CTIF: variants seen among roughly 807,000 people sequenced by gnomAD.
CTIF encodes the protein CBP80/20-dependent translation initiation factor.
In CTIF, 21 loss-of-function variants were observed where a neutral mutation model predicts 66.0. That is an observed-to-expected ratio of 0.32 (90% CI 0.23 to 0.46). The LOEUF is 0.46. CTIF is among the 20% of genes least tolerant of loss of function. CTIF has a pLI of 1.00. For missense variants in CTIF, 739 were observed against 812.7 expected, an observed-to-expected ratio of 0.91 and a Z score of 1.10; for synonymous variants, 345 against 326.4, an observed-to-expected ratio of 1.06 and a Z score of -0.62.
chr18:48,843,853 G>A (rs555099693), intron 10 of CTIF, among the ~76,000 whole-genome samples: 1 of 152,314 alleles, frequency 6.6e-6, no homozygotes, highest in East Asian at 1.9e-4. Context: ...GGGAGCAGGA[G>A]TGAAGCTATT....
intron 10 of CTIF, among the ~76,000 whole-genome samples, chr18:48,821,008 C>T (rs933921980): frequency 6.6e-6 from 1 of 152,220 alleles, no homozygotes; most frequent in Non-Finnish European, 1.5e-5. Context: ...CTGGGAGTCC[C>T]TGGGGACATC....
At position 48,775,460 on chromosome 18, in the gene CTIF, C is replaced by T. The variant is rs1013631444; in HGVS notation, c.1371+13771C>T. Among the ~76,000 whole-genome samples, 23 of 152,352 alleles carry T rather than the reference C, an allele frequency of 1.5e-4. No homozygotes were observed. In the East Asian group the frequency reaches 1.7e-3, roughly 12 times the overall value. On this transcript the variant is annotated intron_variant, in intron 9 of 11. Coordinates refer to ENST00000256413, the MANE Select transcript of CTIF (RefSeq NM_014772.3). Reference sequence around the variant, plus strand: ...AGAGATTCTTCCACAAGTCCAGGGGCCCCCGGCACAGTAGGACTTGAGGTT... The same window carrying T: ...AGAGATTCTTCCACAAGTCCAGGGGTCCCCGGCACAGTAGGACTTGAGGTT...
intron 9 of CTIF, among the ~76,000 whole-genome samples, chr18:48,787,417 A>T (rs991135589): frequency 6.6e-6 from 1 of 152,156 alleles, no homozygotes; most frequent in East Asian, 1.9e-4. Context: ...GAGGAGACTC[A>T]CATCTCAGAA....
intron 7 of CTIF, among the ~76,000 whole-genome samples, chr18:48,739,384 C>A (rs570956229): frequency 1.3e-5 from 2 of 152,344 alleles, no homozygotes; most frequent in South Asian, 2.1e-4. Context: ...AGGACGGAAC[C>A]CCTGCCTGAT....
chr18:48,833,917 G>A (rs2068749758), intron 10 of CTIF, among the ~76,000 whole-genome samples: 1 of 152,176 alleles, frequency 6.6e-6, no homozygotes, highest in Admixed American at 6.5e-5. Flanking sequence ...GATTCCAAAT[G>A]TTGGCCCAGC....
In CTIF at chr18:48,747,404, T is replaced by C. The variant is rs117456178; in HGVS notation, c.585-10515T>C. Among the ~76,000 whole-genome samples, 743 of 152,032 alleles carry C rather than the reference T, an allele frequency of 4.9e-3. 1 individual carries two copies. Among genetic ancestry groups the C allele is most frequent in the Middle Eastern group, 0.044 (13 of 294 alleles). ...TGCATGGAGGGCCTGTAGCCAGAAG[T>C]AGAGAGGTACGCTGGGCAGGGGAAG... On this transcript the variant is annotated intron_variant, in intron 7 of 11. Coordinates refer to ENST00000256413, the MANE Select transcript of CTIF (RefSeq NM_014772.3).
intron 7 of CTIF, among the ~76,000 whole-genome samples, chr18:48,748,818 G>A (rs1907506735): frequency 6.6e-6 from 1 of 152,148 alleles, no homozygotes. Context: ...TGAGGTATAG[G>A]GCACTGCAGT....
intron 1 of CTIF, among the ~76,000 whole-genome samples, chr18:48,603,396 T>TGGATGGATGGATGGATGGATGG (rs1365436407): frequency 2.8e-5 from 4 of 140,668 alleles, no homozygotes; most frequent in African/African-American, 5.5e-5. Flanking sequence ...GATGGATGGA[T>TGGATGGATGGATGGATGGATGG]ATGTGAATGA....
At chr18:48,789,650 G>C (rs773346685) in intron 9 of CTIF, among the ~76,000 whole-genome samples, 3 of 152,160 alleles carry the variant, frequency 2.0e-5, no homozygotes, top group Admixed American at 6.5e-5. Flanking sequence ...TTGGTCTCTA[G>C]AGTCAACAGT....
chr18:48,580,839 C>T (rs1053484142), intron 1 of CTIF, among the ~76,000 whole-genome samples: 2 of 152,234 alleles, frequency 1.3e-5, no homozygotes. Flanking sequence ...CTGACCTGAA[C>T]CTCAGAGGAG....
At chr18:48,716,605 G>A (rs959412678) in intron 7 of CTIF, among the ~76,000 whole-genome samples, 1 of 152,122 alleles carries the variant, frequency 6.6e-6, no homozygotes, top group African/African-American at 2.4e-5. Flanking sequence ...AGCCATGTGG[G>A]TGGTGCTCAC....
At chr18:48,767,087 C>T (rs1208874021) in intron 9 of CTIF, among the ~76,000 whole-genome samples, 1 of 152,218 alleles carries the variant, frequency 6.6e-6, no homozygotes, top group East Asian at 1.9e-4. Context: ...TTCCCAACTT[C>T]TCTGGCTTTG....
chr18:48,702,577 G>A (rs2092098149), intron 6 of CTIF, among the ~76,000 whole-genome samples: 1 of 152,214 alleles, frequency 6.6e-6, no homozygotes, highest in African/African-American at 2.4e-5. Flanking sequence ...GAGGCAGGAT[G>A]TGTGGGGTGC....
chr18:48,691,585 C>G (rs1201669146), intron 6 of CTIF, among the ~76,000 whole-genome samples: 1 of 152,174 alleles, frequency 6.6e-6, no homozygotes, highest in Non-Finnish European at 1.5e-5. Context: ...TTCCTTCTTC[C>G]TTTCTCTAGC....
rs1042437601 is a variant in CTIF, at chr18:48,861,849, A to T, written c.*2290A>T. On this transcript the variant is annotated 3_prime_UTR_variant, in exon 12 of 12. Coordinates refer to ENST00000256413, the MANE Select transcript of CTIF (RefSeq NM_014772.3). ...CTGTTAGGACCAGAGTGTGAAGAAGAAGTGAAATATAAATATGTATACATA... is the reference window on the plus strand; with the variant it reads ...CTGTTAGGACCAGAGTGTGAAGAAGTAGTGAAATATAAATATGTATACATA... The T allele has an allele frequency of 2.0e-5, 3 of 152,186 alleles. No individual in the cohort carries two copies. Among genetic ancestry groups the T allele is most frequent in the African/African-American group, 7.2e-5 (3 of 41,448 alleles). The allele number at this position is 152,186 out of a possible 1,614,324, so 9.4% of individuals were successfully genotyped here.
In CTIF at chr18:48,625,703, G is replaced by A. The variant is rs536179305; in HGVS notation, c.180+5958G>A. ...TGGGCTTGCACATCTGCTGTGTTCCGTTTAGTGGCTGCCCAGTTGTCCATA... is the reference window on the plus strand; with the variant it reads ...TGGGCTTGCACATCTGCTGTGTTCCATTTAGTGGCTGCCCAGTTGTCCATA... On this transcript the variant is annotated intron_variant, in intron 2 of 11. Coordinates refer to ENST00000256413, the MANE Select transcript of CTIF (RefSeq NM_014772.3). Among the ~76,000 whole-genome samples the A allele has an allele frequency of 1.8e-4, 28 of 152,288 alleles. No homozygotes were observed. In the East Asian group the frequency reaches 2.3e-3, roughly 13 times the overall value.
chr18:48,773,683 C>T (rs1378737804), intron 9 of CTIF, among the ~76,000 whole-genome samples: 1 of 152,238 alleles, frequency 6.6e-6, no homozygotes, highest in Non-Finnish European at 1.5e-5. Context: ...TAACATTGGC[C>T]TGTGGGCCGC....
intron 7 of CTIF, among the ~76,000 whole-genome samples, chr18:48,720,656 C>T (rs1174410418): frequency 4.6e-5 from 7 of 152,180 alleles, no homozygotes; most frequent in Non-Finnish European, 1.0e-4. Context: ...CAAGCAGGCT[C>T]TCTCTTGAAA....
Position 48,600,593 on chromosome 18 carries a change from G to A in CTIF, c.-28-18945G>A, listed in dbSNP as rs770948514. Among the ~76,000 whole-genome samples, 11 of 151,836 alleles carry A rather than the reference G, an allele frequency of 7.2e-5. No homozygotes were observed. The East Asian group carries it at 1.4e-3, about 19-fold the overall frequency. Reference sequence around the variant, plus strand: ...TGAGGAAGTGACAGGCGTTTGTTGCGCTTTGAGTCAAGGACAGAGCCAGAG... The same window carrying A: ...TGAGGAAGTGACAGGCGTTTGTTGCACTTTGAGTCAAGGACAGAGCCAGAG... On this transcript the variant is annotated intron_variant, in intron 1 of 11. Transcript: ENST00000256413.
Sources: allele counts gnomAD v4.1 joint callset (sites outside exome capture counted in the v4.1 genomes callset), GRCh38; gene constraint gnomAD v4.1.1; transcripts MANE v1.5; gene names NCBI Gene and HGNC (gene_info 2026-07-23, HGNC 2026-07-21).